The following REPS1 variants were observed in gnomAD, a reference collection of about 807,000 sequenced individuals.
REPS1 encodes RALBP1 associated Eps domain containing 1, also known as ralBP1-associated Eps domain-containing protein 1.
A neutral mutation model predicts 100.9 loss-of-function variants in REPS1; 39 were observed. The observed-to-expected ratio is 0.39, with a 90% CI of 0.30 to 0.50. The LOEUF (loss-of-function observed/expected upper bound fraction) is 0.50, where lower values mean the gene tolerates loss of function less well. REPS1 is among the 20% of genes least tolerant of loss of function. The pLI is 0.86. For missense variants in REPS1, 821 were observed against 968.5 expected (o/e 0.85, Z 2.02); for synonymous variants, 324 against 340.3 (o/e 0.95, Z 0.53).
At chr6:138,961,707 C>T (rs1172608626) in intron 1 of REPS1, among the ~76,000 whole-genome samples, 1 of 152,128 alleles carries the variant, frequency 6.6e-6, no homozygotes, top group Non-Finnish European at 1.5e-5. Context: ...ACTTTGACCC[C>T]ACAGACCAGG....
At chr6:138,965,022 T>C (rs966649018) in intron 1 of REPS1, among the ~76,000 whole-genome samples, 7 of 152,146 alleles carry the variant, frequency 4.6e-5, no homozygotes, top group African/African-American at 7.2e-5. Flanking sequence ...AATTTCTGCA[T>C]AGTATATGTG....
rs1198308408 is a variant in REPS1 at position 138,914,765 on chromosome 6, C to T, written c.1721-4G>A. 1 of 1,607,884 alleles carries T rather than the reference C, an allele frequency of 6.2e-7. No homozygotes were observed. Among genetic ancestry groups the T allele is most frequent in the Non-Finnish European group, 8.5e-7 (1 of 1,178,350 alleles). On this transcript the variant is annotated splice_region_variant and splice_polypyrimidine_tract_variant and intron_variant, in intron 14 of 19. Coordinates refer to ENST00000450536, the MANE Select transcript of REPS1 (RefSeq NM_001286611.2). ...ACAACTCCAGCCTGTTGTTGTCCTGCATGAATACAAAAGTTCTTCTTTTTA... is the reference window on the plus strand; with the variant it reads ...ACAACTCCAGCCTGTTGTTGTCCTGTATGAATACAAAAGTTCTTCTTTTTA...
At chr6:138,957,783 G>T (rs1276615349) in intron 1 of REPS1, among the ~76,000 whole-genome samples, 1 of 152,162 alleles carries the variant, frequency 6.6e-6, no homozygotes, top group Non-Finnish European at 1.5e-5. Flanking sequence ...CAGGGGAAAA[G>T]CTGTAATCAT....
At chr6:138,909,820 C>T (rs970690566) in intron 17 of REPS1, among the ~76,000 whole-genome samples, 3 of 151,982 alleles carry the variant, frequency 2.0e-5, no homozygotes, top group African/African-American at 4.8e-5. Flanking sequence ...TATAAATTAC[C>T]GTCTCAGGTG....
rs77575024 is a variant in REPS1, at chr6:138,932,018, A to G, written c.1136-1920T>C. 5.6e-3 allele frequency among the ~76,000 whole-genome samples: 848 copies of G among 152,272 alleles called. 7 individuals are homozygous for G. Among genetic ancestry groups the G allele is most frequent in the African/African-American group, 0.019 (809 of 41,546 alleles). Reference sequence around the variant, plus strand: ...TCTATTACTTTATTTTTAAACATCAATCTTAGGGCAATCTGCAAGTCCTGG... The same window carrying G: ...TCTATTACTTTATTTTTAAACATCAGTCTTAGGGCAATCTGCAAGTCCTGG... On this transcript the variant is annotated intron_variant, in intron 8 of 19. Coordinates refer to ENST00000450536, the MANE Select transcript of REPS1 (RefSeq NM_001286611.2).
Position 138,970,640 on chromosome 6 carries a change from C to T in REPS1, c.153+16890G>A, listed in dbSNP as rs6901307. ...CTAATAAAAATACCCAAAAAAAGGC[C>T]GGGCATGGTGGTGCACACCTGTAGT... On this transcript the variant is annotated intron_variant, in intron 1 of 19. Transcript: ENST00000450536. 2.6e-3 allele frequency among the ~76,000 whole-genome samples: 392 copies of T among 152,036 alleles called. 1 individual carries two copies. The highest frequency in any genetic ancestry group is 8.9e-3 in the African/African-American group (370 of 41,482).
intron 13 of REPS1, 119 bp downstream of exon 13, chr6:138,917,436 C>A: frequency 1.3e-6 from 1 of 744,640 alleles, no homozygotes; most frequent in South Asian, 1.9e-5. Context: ...TTACATAAAT[C>A]AAAAAGTAAC....
chr6:138,908,561 C>T, intron 18 of REPS1, 107 bp downstream of exon 18: 1 of 1,215,170 alleles, frequency 8.2e-7, no homozygotes, highest in Non-Finnish European at 1.2e-6. Context: ...TCCCAAAATG[C>T]TGGGATTACA....
intron 19 of REPS1, among the ~76,000 whole-genome samples, chr6:138,906,666 A>G (rs1474031547): frequency 1.3e-5 from 2 of 152,186 alleles, no homozygotes. Context: ...TTCATTTTTC[A>G]TTTCCATGGA....
At chr6:138,946,389 A>T (rs766972071) in intron 2 of REPS1, among the ~76,000 whole-genome samples, 8 of 152,254 alleles carry the variant, frequency 5.3e-5, no homozygotes, top group Non-Finnish European at 1.0e-4. Context: ...GTTTGCAGGT[A>T]AATAAGTGAT....
intron 17 of REPS1, among the ~76,000 whole-genome samples, chr6:138,909,170 T>C (rs923248269): frequency 2.0e-5 from 3 of 152,228 alleles, no homozygotes; most frequent in Admixed American, 2.0e-4. Context: ...ATTATCACCA[T>C]AGGATTTCTT....
At chr6:138,965,623 A>G (rs11969510) in intron 1 of REPS1, among the ~76,000 whole-genome samples, 1,581 of 152,298 alleles carry the variant, frequency 0.01, 21 homozygotes, top group African/African-American at 0.036. Context: ...AATTATGCCT[A>G]AACAAGAGGC....
At chr6:138,919,032 T>C (rs1458919232) in intron 12 of REPS1, among the ~76,000 whole-genome samples, 2 of 152,170 alleles carry the variant, frequency 1.3e-5, no homozygotes, top group African/African-American at 2.4e-5. Flanking sequence ...AAAATGAACA[T>C]ATTTCCATCT....
intron 5 of REPS1, 138 bp from the exon 6 acceptor site, chr6:138,944,153 G>A (rs1782451333): frequency 1.3e-6 from 1 of 760,018 alleles, no homozygotes; most frequent in Non-Finnish European, 2.1e-6. Context: ...ATCTGTTACA[G>A]TCAGATTATT....
intron 8 of REPS1, among the ~76,000 whole-genome samples, chr6:138,937,800 A>G (rs1562534570): frequency 6.6e-6 from 1 of 152,158 alleles, no homozygotes; most frequent in Non-Finnish European, 1.5e-5. Flanking sequence ...CCTGTACTCA[A>G]TTTGCACCTT....
intron 1 of REPS1, among the ~76,000 whole-genome samples, chr6:138,979,305 G>A (rs921945198): frequency 2.0e-5 from 3 of 150,616 alleles, no homozygotes; most frequent in African/African-American, 7.3e-5. Flanking sequence ...CCTTATCTTA[G>A]CAATCCTAAC....
chr6:138,975,153 C>T (rs904065777), intron 1 of REPS1, among the ~76,000 whole-genome samples: 4 of 152,144 alleles, frequency 2.6e-5, no homozygotes, highest in East Asian at 3.9e-4. Context: ...ATGAACATGG[C>T]ATCACACTCA....
chr6:138,905,440 C>A (rs1282949123), intron 19 of REPS1, among the ~76,000 whole-genome samples: 1 of 148,102 alleles, frequency 6.8e-6, no homozygotes, highest in African/African-American at 2.5e-5. Context: ...TACAGGCGCC[C>A]GCCACCGCGC....
chr6:138,908,420 G>A (rs562832143), intron 18 of REPS1, among the ~76,000 whole-genome samples: 4 of 152,078 alleles, frequency 2.6e-5, no homozygotes, highest in Admixed American at 6.6e-5. Flanking sequence ...TCAGCTTCCC[G>A]AGTAGCTGGG....
Sources: gnomAD v4.1 joint callset for allele counts (sites outside exome capture counted in the v4.1 genomes callset) on GRCh38, gnomAD v4.1.1 for gene constraint, MANE v1.5 for transcripts, NCBI Gene and HGNC (gene_info 2026-07-23, HGNC 2026-07-21) for gene names.